The following KCTD7 variants were observed in gnomAD, a reference collection of about 807,000 sequenced individuals.
KCTD7 encodes BTB/POZ domain-containing protein KCTD7.
Under a neutral mutation model 27.0 loss-of-function variants are expected in KCTD7, and 15 were observed. The ratio of observed to expected loss-of-function variants is 0.56; its 90% CI spans 0.37 to 0.86. The LOEUF is 0.86. KCTD7 is among the 40% of genes least tolerant of loss of function. The pLI is 0.00. For missense variants in KCTD7, 299 were observed against 398.9 expected, an observed-to-expected ratio of 0.75 and a Z score of 2.13; for synonymous variants, 159 against 162.7, an observed-to-expected ratio of 0.98 and a Z score of 0.17.
At position 66,638,245 on chromosome 7, in the gene KCTD7, C is replaced by G. The variant is rs1270571465; in HGVS notation, c.315-8C>G. ...CCTTGTCACCGACCCTCTTTCCTTC[C>G]TGCTTAGAGATGTGCTGAATTTCCT... On this transcript the variant is annotated splice_region_variant and splice_polypyrimidine_tract_variant and intron_variant, in intron 2 of 3. Transcript: ENST00000639828. The G allele has an allele frequency of 6.2e-7, 1 of 1,614,038 alleles. No individual in the cohort carries two copies. The highest frequency in any genetic ancestry group is 1.7e-5 in the Admixed American group (1 of 59,998).
At chr7:66,638,786 T>C in intron 3 of KCTD7, 70 bp from the exon 4 acceptor site, 1 of 1,581,912 alleles carries the variant, frequency 6.3e-7, no homozygotes, top group Non-Finnish European at 8.7e-7. Context: ...CAGGACTGTT[T>C]CTCTGTGCAT....
chr7:66,634,161 C>G (rs185050874), intron 2 of KCTD7, among the ~76,000 whole-genome samples: 11 of 136,716 alleles, frequency 8.0e-5, no homozygotes, highest in Non-Finnish European at 1.1e-4. Context: ...CTCTGATGCA[C>G]TGAGGCTTCC....
intron 1 of KCTD7, among the ~76,000 whole-genome samples, chr7:66,632,887 T>A (rs6963242): frequency 0.046 from 6,687 of 146,534 alleles, 225 homozygotes; most frequent in East Asian, 0.1. Context: ...ACTAAAAAAA[T>A]ATATATATAT....
At position 66,640,604 on chromosome 7, in the gene KCTD7, T is replaced by A. The variant is rs939957065; in HGVS notation, c.*1372T>A. ...TGTCTCTTCCTGGGTAAAGGGAGAT[T>A]TTTTTTTTTAATGTGTAAAGAATTG... On this transcript the variant is annotated 3_prime_UTR_variant, in exon 4 of 4. Coordinates refer to ENST00000639828, the MANE Select transcript of KCTD7 (RefSeq NM_153033.5). 2 of 1,364,518 alleles carry A rather than the reference T, an allele frequency of 1.5e-6. No homozygotes were observed. The highest frequency in any genetic ancestry group is 3.3e-5 in the Admixed American group (1 of 30,134). The allele number at this position is 1,364,518 out of a possible 1,614,324, so 84.5% of individuals were successfully genotyped here.
chr7:66,638,814 G>T (rs778245978), intron 3 of KCTD7, 42 bp from the exon 4 acceptor site: 1 of 1,612,064 alleles, frequency 6.2e-7, no homozygotes, highest in South Asian at 1.1e-5. Flanking sequence ...GCCCTGTCCT[G>T]CCTCTTCACC....
At chr7:66,630,476 G>T (rs1786420225) in intron 1 of KCTD7, among the ~76,000 whole-genome samples, 2 of 152,150 alleles carry the variant, frequency 1.3e-5, no homozygotes, top group Admixed American at 1.3e-4. Context: ...ACCGAAGATG[G>T]CTTCTAGGAG....
At chr7:66,638,122 G>A in intron 2 of KCTD7, 131 bp from the exon 3 acceptor site, 1 of 880,220 alleles carries the variant, frequency 1.1e-6, no homozygotes, top group South Asian at 1.3e-5. Context: ...CTGAGACATG[G>A]AGTAGTTAAG....
At chr7:66,636,601 C>T (rs1786592420) in intron 2 of KCTD7, among the ~76,000 whole-genome samples, 1 of 151,748 alleles carries the variant, frequency 6.6e-6, no homozygotes, top group Non-Finnish European at 1.5e-5. Flanking sequence ...GGTGATGTAT[C>T]TGATTACTCT....
chr7:66,633,243 C>G, intron 1 of KCTD7, 32 bp from the exon 2 acceptor site: 1 of 1,612,128 alleles, frequency 6.2e-7, no homozygotes, highest in Non-Finnish European at 8.5e-7. Flanking sequence ...TTCCCCGTTG[C>G]CTGCCTGAGA....
rs1786699127 is a variant in KCTD7 at position 66,640,869 on chromosome 7, C to G, written c.*1637C>G. ...TAAATAAATAAATTGGGGAGGACAG[C>G]CTCACTGGTATCAGACTTACAGGAC... is the stretch of plus-strand genomic sequence containing the variant. On this transcript the variant is annotated 3_prime_UTR_variant, in exon 4 of 4. Transcript: ENST00000639828. The G allele has an allele frequency of 1.0e-6, 1 of 986,464 alleles. No individual in the cohort carries two copies. The highest frequency in any genetic ancestry group is 1.7e-5 in the African/African-American group (1 of 57,220). 61.1% of individuals were successfully genotyped at this position (986,464 alleles called of 1,614,324 possible).
intron 1 of KCTD7, among the ~76,000 whole-genome samples, chr7:66,631,956 C>A (rs904563915): frequency 6.6e-6 from 1 of 152,218 alleles, no homozygotes; most frequent in Admixed American, 6.5e-5. Flanking sequence ...AGCTTGGGGT[C>A]TAGTGGAGTG....
chr7:66,637,439 C>T (rs548039422), intron 2 of KCTD7, among the ~76,000 whole-genome samples: 2 of 152,210 alleles, frequency 1.3e-5, no homozygotes, highest in African/African-American at 4.8e-5. Context: ...TAGCCAAAAA[C>T]TGGAAACAAC....
At chr7:66,636,617 C>T (rs1786592653) in intron 2 of KCTD7, among the ~76,000 whole-genome samples, 3 of 151,900 alleles carry the variant, frequency 2.0e-5, no homozygotes, top group African/African-American at 7.2e-5. Flanking sequence ...ACTCTGAGCA[C>T]TAAATAATCT....
intron 3 of KCTD7, 107 bp from the exon 4 acceptor site, chr7:66,638,749 C>A: frequency 7.2e-7 from 1 of 1,389,402 alleles, no homozygotes; most frequent in Non-Finnish European, 1.0e-6. Context: ...GGAAATCTGT[C>A]TTTCCCCTCC....
intron 1 of KCTD7, among the ~76,000 whole-genome samples, chr7:66,629,539 G>T (rs1052660198): frequency 1.3e-5 from 2 of 152,172 alleles, no homozygotes; most frequent in Admixed American, 6.5e-5. Context: ...GGACCCTGGA[G>T]CCCCGAGAGC....
In KCTD7 at chr7:66,640,085, C is replaced by G; in HGVS notation, c.*853C>G. Reference sequence around the variant, plus strand: ...ACATGTAACATCCTTTTTAGAGGCTCAGAACACCTCCTTGGCTGCTATCTC... The same window carrying G: ...ACATGTAACATCCTTTTTAGAGGCTGAGAACACCTCCTTGGCTGCTATCTC... On this transcript the variant is annotated 3_prime_UTR_variant, in exon 4 of 4. Transcript: ENST00000639828. 1.5e-6 allele frequency: 2 copies of G among 1,293,916 alleles called. No homozygotes were observed. Among genetic ancestry groups the G allele is most frequent in the Non-Finnish European group, 1.9e-6 (2 of 1,026,204 alleles). The allele number at this position is 1,293,916 out of a possible 1,614,324, so 80.2% of individuals were successfully genotyped here.
chr7:66,643,084 C>G, downstream of KCTD7: 1 of 985,386 alleles, frequency 1.0e-6, no homozygotes, highest in Non-Finnish European at 1.2e-6. Flanking sequence ...GAGATGTGCT[C>G]TCATCTCTTC....
rs908930739 is a variant in KCTD7 at position 66,640,318 on chromosome 7, TG to T, written c.*1087del. 7.2e-6 allele frequency: 11 copies of T among 1,534,998 alleles called. No homozygotes were observed. The Admixed American group carries it at 2.2e-4, about 30-fold the overall frequency. ...GTTTTACTCCTCACTCCTCTATTTT[TG>T]TTTTACTCACTTCTTTATATTTTGT... On this transcript the variant is annotated 3_prime_UTR_variant, in exon 4 of 4. Coordinates refer to ENST00000639828, the MANE Select transcript of KCTD7 (RefSeq NM_153033.5).
chr7:66,633,918 G>A (rs1422638392), intron 2 of KCTD7, among the ~76,000 whole-genome samples: 1 of 151,830 alleles, frequency 6.6e-6, no homozygotes, highest in Admixed American at 6.6e-5. Flanking sequence ...AACCCAGGAG[G>A]CAGAGGTTGC....
Sources: gnomAD v4.1 joint callset for allele counts (sites outside exome capture counted in the v4.1 genomes callset) on GRCh38, gnomAD v4.1.1 for gene constraint, MANE v1.5 for transcripts, NCBI Gene and HGNC (gene_info 2026-07-23, HGNC 2026-07-21) for gene names.